CRYZL1: variants seen among roughly 807,000 people sequenced by gnomAD.
CRYZL1 encodes ferry endosomal RAB5 effector complex subunit 4.
Under a neutral mutation model 50.6 loss-of-function variants are expected in CRYZL1, and 34 were observed. That is an observed-to-expected ratio of 0.67 (90% CI 0.51 to 0.89). The LOEUF (loss-of-function observed/expected upper bound fraction) is 0.89, where lower values mean the gene tolerates loss of function less well. Among genes scored for constraint, CRYZL1 ranks in the 40% least tolerant of loss-of-function variants. CRYZL1 has a pLI of 0.00. For missense variants in CRYZL1, 354 were observed against 402.3 expected (o/e 0.88, Z 1.03); for synonymous variants, 125 against 134.3 (o/e 0.93, Z 0.48).
chr21:33,635,694 A>G (rs184373972), intron 1 of CRYZL1, among the ~76,000 whole-genome samples: 154 of 62,446 alleles, frequency 2.5e-3, no homozygotes, highest in Middle Eastern at 8.8e-3. Flanking sequence ...AATATAAATT[A>G]AAATGTATAG....
At chr21:33,611,092 A>G (rs2086868716) in intron 6 of CRYZL1, among the ~76,000 whole-genome samples, 1 of 152,178 alleles carries the variant, frequency 6.6e-6, no homozygotes, top group Non-Finnish European at 1.5e-5. Context: ...ACTTAATGAA[A>G]AGACTCCATA....
chr21:33,591,570 C>T (rs58765693), intron 11 of CRYZL1: 139 of 258,892 alleles, frequency 5.4e-4, no homozygotes, highest in African/African-American at 2.7e-3. Context: ...AATTTTAGCA[C>T]GTATATATCT....
intron 2 of CRYZL1, among the ~76,000 whole-genome samples, chr21:33,630,941 A>G (rs867412623): frequency 6.6e-6 from 1 of 152,194 alleles, no homozygotes; most frequent in African/African-American, 2.4e-5. Flanking sequence ...AATCTAAGAC[A>G]GTTGATTGCA....
At chr21:33,608,180 C>T (rs914781355) in intron 6 of CRYZL1, among the ~76,000 whole-genome samples, 6 of 152,178 alleles carry the variant, frequency 3.9e-5, no homozygotes, top group Non-Finnish European at 8.8e-5. Context: ...CTTGGCTGGG[C>T]GCGGTGGCTC....
intron 9 of CRYZL1, 141 bp from the exon 10 acceptor site, chr21:33,597,542 A>C (rs1229438934): frequency 1.6e-6 from 1 of 642,912 alleles, no homozygotes; most frequent in Non-Finnish European, 2.6e-6. Flanking sequence ...CCTGGACTCC[A>C]GCAATCCTCC....
chr21:33,597,010 T>C (rs1319318210), intron 10 of CRYZL1, among the ~76,000 whole-genome samples: 1 of 151,930 alleles, frequency 6.6e-6, no homozygotes, highest in Non-Finnish European at 1.5e-5. Flanking sequence ...GCTGGGAATA[T>C]AAGCCTGTGC....
chr21:33,626,374 T>C (rs1424304177), intron 2 of CRYZL1, among the ~76,000 whole-genome samples: 1 of 152,204 alleles, frequency 6.6e-6, no homozygotes, highest in Non-Finnish European at 1.5e-5. Flanking sequence ...TGAACCTAAT[T>C]ATCCCTCAGA....
chr21:33,625,330 T>C (rs2087048890), intron 2 of CRYZL1, among the ~76,000 whole-genome samples: 1 of 151,984 alleles, frequency 6.6e-6, no homozygotes, highest in Non-Finnish European at 1.5e-5. Context: ...TAATTTTTTG[T>C]ATTTTCAGTA....
intron 6 of CRYZL1, among the ~76,000 whole-genome samples, chr21:33,612,380 G>A (rs954044587): frequency 3.3e-5 from 5 of 151,038 alleles, no homozygotes; most frequent in African/African-American, 4.9e-5. Flanking sequence ...TCCACCTCCC[G>A]GGTTCAAGTG....
chr21:33,620,338 T>C (rs2086979842), intron 4 of CRYZL1, among the ~76,000 whole-genome samples: 1 of 152,194 alleles, frequency 6.6e-6, no homozygotes, highest in Non-Finnish European at 1.5e-5. Flanking sequence ...AAATGCCTGA[T>C]ATAAGGCTTA....
chr21:33,593,845 C>T (rs1424320687), intron 11 of CRYZL1, among the ~76,000 whole-genome samples: 2 of 151,570 alleles, frequency 1.3e-5, no homozygotes, highest in Non-Finnish European at 2.9e-5. Flanking sequence ...ATTAGCCAGG[C>T]GTGGTGGCGC....
chr21:33,595,367 A>C (rs547418679), intron 11 of CRYZL1: 3 of 1,305,056 alleles, frequency 2.3e-6, no homozygotes, highest in Middle Eastern at 4.3e-4. Flanking sequence ...TTTCAAGGTG[A>C]TGTGTGCTTT....
intron 6 of CRYZL1, among the ~76,000 whole-genome samples, chr21:33,611,258 G>A (rs1261517243): frequency 1.3e-5 from 2 of 152,162 alleles, no homozygotes; most frequent in East Asian, 3.9e-4. Context: ...GACTCTCACT[G>A]CGTGGTATTT....
At chr21:33,620,651 A>C (rs1437383185) in intron 4 of CRYZL1, among the ~76,000 whole-genome samples, 1 of 151,872 alleles carries the variant, frequency 6.6e-6, no homozygotes, top group East Asian at 1.9e-4. Context: ...TCTCTACCAA[A>C]AAATACAAAA....
At chr21:33,615,937 A>T (rs1452941342) in intron 5 of CRYZL1, among the ~76,000 whole-genome samples, 1 of 152,142 alleles carries the variant, frequency 6.6e-6, no homozygotes, top group African/African-American at 2.4e-5. Flanking sequence ...AAATATATAT[A>T]TTTTTTATTA....
intron 5 of CRYZL1, chr21:33,616,145 T>C (rs1488675119): frequency 6.6e-6 from 1 of 152,038 alleles, no homozygotes; most frequent in Non-Finnish European, 1.5e-5. Context: ...GATCTCATTG[T>C]TCAATTCCCA....
intron 9 of CRYZL1, among the ~76,000 whole-genome samples, chr21:33,597,772 C>T (rs1240291301): frequency 3.3e-5 from 5 of 152,124 alleles, no homozygotes; most frequent in African/African-American, 7.2e-5. Flanking sequence ...CCACCATGCC[C>T]GGCTAATTTT....
At chr21:33,628,303 T>C (rs1190538629) in intron 2 of CRYZL1, among the ~76,000 whole-genome samples, 3 of 152,216 alleles carry the variant, frequency 2.0e-5, no homozygotes, top group African/African-American at 7.2e-5. Flanking sequence ...CAGAGTCTTT[T>C]GTGGTTCCAT....
chr21:33,593,191 C>T (rs1188534206), intron 11 of CRYZL1, among the ~76,000 whole-genome samples: 1 of 152,066 alleles, frequency 6.6e-6, no homozygotes, highest in Non-Finnish European at 1.5e-5. Flanking sequence ...ACTGCAAGCT[C>T]CGCCTCCTGG....
Sources: gnomAD v4.1 joint callset for allele counts (sites outside exome capture counted in the v4.1 genomes callset) on GRCh38, gnomAD v4.1.1 for gene constraint, MANE v1.5 for transcripts, NCBI Gene and HGNC (gene_info 2026-07-23, HGNC 2026-07-21) for gene names.